The following MED13L variants were observed in gnomAD, a reference collection of about 807,000 sequenced individuals.
MED13L encodes the protein mediator complex subunit 13L, also known as mediator of RNA polymerase II transcription subunit 13-like.
MED13L carries 7 observed loss-of-function variants against 220.9 expected under a neutral mutation model. That is an observed-to-expected ratio of 0.03 (90% CI 0.02 to 0.06). The LOEUF (loss-of-function observed/expected upper bound fraction) is 0.06. Ranked by LOEUF, MED13L falls within the 10% of genes least tolerant of loss-of-function variation. The probability of loss-of-function intolerance (pLI) is 1.00; values close to 1 mark genes in which losing one functional copy is unlikely to be tolerated. For synonymous variants in MED13L, 1,011 were observed against 1,015.2 expected (o/e 1.00, Z 0.08); for missense variants, 1,965 against 2,760.5 (o/e 0.71, Z 6.46).
In MED13L at chr12:115,959,386, T is replaced by C. The variant is rs1175167575; in HGVS notation, c.*1880A>G. The stretch of plus-strand genomic sequence containing the variant: ...AGCCCCTGCATTAAAAACAGCCCAT[T>C]TAAAAAAAAAATTCAAAGTTCTGAT... On this transcript the variant is annotated 3_prime_UTR_variant, in exon 31 of 31. Coordinates refer to ENST00000281928, the MANE Select transcript of MED13L (RefSeq NM_015335.5). 2 of 152,240 alleles carry C rather than the reference T, an allele frequency of 1.3e-5. No individual in the cohort carries two copies. Among genetic ancestry groups the C allele is most frequent in the African/African-American group, 4.8e-5 (2 of 41,326 alleles). 9.4% of individuals were successfully genotyped at this position (152,240 alleles called of 1,614,324 possible).
At chr12:116,094,853 AAGG>A (rs1296728511) in intron 4 of MED13L, among the ~76,000 whole-genome samples, 6 of 152,222 alleles carry the variant, frequency 3.9e-5, no homozygotes, top group Non-Finnish European at 2.9e-5. Flanking sequence ...CTGTAAATTT[AAGG>A]AGAATGCTAA....
At chr12:116,064,019 C>A (rs1869720188) in intron 4 of MED13L, among the ~76,000 whole-genome samples, 1 of 151,620 alleles carries the variant, frequency 6.6e-6, no homozygotes, top group Non-Finnish European at 1.5e-5. Flanking sequence ...CCCACCTTTA[C>A]AAAAAATAAA....
chr12:115,969,147 A>AT (rs1565984147), intron 27 of MED13L, 50 bp from the exon 28 acceptor site: 2 of 1,572,984 alleles, frequency 1.3e-6, no homozygotes, highest in Non-Finnish European at 1.7e-6. Context: ...GATAGTCCAC[A>AT]TATCAATATC....
chr12:115,987,299 A>G lies in MED13L; in HGVS notation c.3935-11T>C. The G allele has an allele frequency of 6.2e-7, 1 of 1,611,048 alleles. No homozygotes were observed. Among genetic ancestry groups the G allele is most frequent in the Non-Finnish European group, 8.5e-7 (1 of 1,179,182 alleles). ...TGCTGATGTCCAGCACTGGAAGAGAAGTGAGAAGAAACAGAGAAGATAAGG... is the reference window on the plus strand; with the variant it reads ...TGCTGATGTCCAGCACTGGAAGAGAGGTGAGAAGAAACAGAGAAGATAAGG... On this transcript the variant is annotated splice_polypyrimidine_tract_variant and intron_variant, in intron 17 of 30. Transcript: ENST00000281928.
chr12:116,069,354 G>A (rs760726448), intron 4 of MED13L, among the ~76,000 whole-genome samples: 1 of 151,984 alleles, frequency 6.6e-6, no homozygotes, highest in Non-Finnish European at 1.5e-5. Flanking sequence ...TAAGTATGTG[G>A]GTACCTTTAA....
chr12:116,251,669 G>A (rs1326493457), intron 1 of MED13L, among the ~76,000 whole-genome samples: 1 of 151,252 alleles, frequency 6.6e-6, no homozygotes, highest in East Asian at 2.0e-4. Flanking sequence ...GCTGAGGCAG[G>A]AGAATGGCGT....
intron 1 of MED13L, among the ~76,000 whole-genome samples, chr12:116,261,440 T>C (rs1007091589): frequency 6.9e-6 from 1 of 145,518 alleles, no homozygotes; most frequent in Non-Finnish European, 1.5e-5. Context: ...GAGGGTGCAG[T>C]GAGCCGAGAT....
chr12:116,216,569 T>C (rs1318746741), intron 2 of MED13L, among the ~76,000 whole-genome samples: 2 of 152,190 alleles, frequency 1.3e-5, no homozygotes, highest in African/African-American at 4.8e-5. Flanking sequence ...CAATAGTGGT[T>C]GGAAAAAGTG....
At chr12:116,027,429 A>T (rs1052281099) in intron 4 of MED13L, among the ~76,000 whole-genome samples, 1 of 151,550 alleles carries the variant, frequency 6.6e-6, no homozygotes, top group African/African-American at 2.4e-5. Flanking sequence ...CAAAACAAAC[A>T]AACAAACAAA....
intron 16 of MED13L, among the ~76,000 whole-genome samples, chr12:115,993,401 T>C (rs1228112014): frequency 2.0e-5 from 3 of 152,196 alleles, no homozygotes; most frequent in African/African-American, 7.2e-5. Context: ...TTACTTATAA[T>C]GTGAAAGAAG....
chr12:116,192,008 G>A (rs1292129186), intron 2 of MED13L, among the ~76,000 whole-genome samples: 1 of 152,192 alleles, frequency 6.6e-6, no homozygotes, highest in Non-Finnish European at 1.5e-5. Flanking sequence ...ATAGAATGTA[G>A]TTAAAATGAG....
In MED13L at chr12:115,986,255, AAC is replaced by A. The variant is rs768946564; in HGVS notation, c.4338+9_4338+10del. 6.2e-7 allele frequency: 1 copy of A among 1,612,072 alleles called. No individual in the cohort carries two copies. The highest frequency in any genetic ancestry group is 8.5e-7 in the Non-Finnish European group (1 of 1,178,122). On this transcript the variant is annotated intron_variant, in intron 19 of 30. Transcript: ENST00000281928. ...AGTCATAAAAAGCAATTTTCACAGT[AAC>A]TTCCTCACCTCGTATACAGCACTCA...
chr12:116,075,524 T>C (rs1056479958), intron 4 of MED13L, among the ~76,000 whole-genome samples: 4 of 152,218 alleles, frequency 2.6e-5, no homozygotes, highest in Non-Finnish European at 4.4e-5. Context: ...TAGTCAACAC[T>C]GGACATAATT....
chr12:116,019,901 G>A lies in MED13L; in HGVS notation c.697C>T (p.Arg233Cys), dbSNP rs766642871. Reference sequence around the variant, plus strand: ...TACTGCCATTCCTCAATCAACTTACGAGTGGCTGGGTCTGACATCTTGTAT... The same window carrying A: ...TACTGCCATTCCTCAATCAACTTACAAGTGGCTGGGTCTGACATCTTGTAT... ...QAYKMSDPATRKLIEEWQYFY... is the reference protein window; with the variant it reads ...QAYKMSDPATCKLIEEWQYFY... The change falls in exon 6 of 31, where the codon CGT becomes TGT. Residue 233 changes from arginine (R) to cysteine (C), a missense_variant. Transcript: ENST00000281928. 1.1e-5 allele frequency: 17 copies of A among 1,613,346 alleles called. No individual in the cohort carries two copies. The highest frequency in any genetic ancestry group is 6.7e-5 in the African/African-American group (5 of 74,694).
At chr12:116,245,001 C>T (rs1318886730) in intron 1 of MED13L, among the ~76,000 whole-genome samples, 1 of 151,938 alleles carries the variant, frequency 6.6e-6, no homozygotes, top group East Asian at 1.9e-4. Flanking sequence ...ACTCAGATGC[C>T]CAGGTACCTT....
chr12:115,995,970 T>G (rs1003177083), intron 16 of MED13L, among the ~76,000 whole-genome samples: 4 of 152,224 alleles, frequency 2.6e-5, no homozygotes, highest in African/African-American at 7.2e-5. Flanking sequence ...AGGGACTGTC[T>G]GCATACAAAA....
At chr12:116,167,743 C>A (rs1725360846) in intron 2 of MED13L, among the ~76,000 whole-genome samples, 1 of 152,122 alleles carries the variant, frequency 6.6e-6, no homozygotes, top group South Asian at 2.1e-4. Context: ...TCTTTCTTCA[C>A]CTAGATTTTT....
intron 21 of MED13L, among the ~76,000 whole-genome samples, chr12:115,982,818 G>C (rs938146929): frequency 5.9e-5 from 9 of 152,110 alleles, no homozygotes; most frequent in Non-Finnish European, 1.2e-4. Flanking sequence ...CTCTAAAATG[G>C]GAGGTATCTT....
chr12:116,213,422 G>T (rs962727832), intron 2 of MED13L, among the ~76,000 whole-genome samples: 12 of 152,168 alleles, frequency 7.9e-5, no homozygotes, highest in African/African-American at 2.9e-4. Flanking sequence ...TTGTTTGTTT[G>T]TTTTCTGAGA....
Sources: allele counts gnomAD v4.1 joint callset (sites outside exome capture counted in the v4.1 genomes callset), GRCh38; gene constraint gnomAD v4.1.1; transcripts MANE v1.5; gene names NCBI Gene and HGNC (gene_info 2026-07-23, HGNC 2026-07-21).